Variants in DCC observed in about 807,000 individuals in gnomAD.
The protein encoded by DCC is DCC netrin 1 receptor, also known as netrin receptor DCC.
A neutral mutation model predicts 172.5 loss-of-function variants in DCC; 58 were observed. The observed-to-expected ratio is 0.34, with a 90% CI of 0.27 to 0.42. The LOEUF (loss-of-function observed/expected upper bound fraction) is 0.42, where lower values mean the gene tolerates loss of function less well. Among genes scored for constraint, DCC ranks in the 10% least tolerant of loss-of-function variants. The pLI, the probability that DCC is intolerant of heterozygous loss-of-function variation, is 1.00. For synonymous variants in DCC, 709 were observed against 644.5 expected (o/e 1.10, Z -1.52); for missense variants, 1,740 against 1,791.0 (o/e 0.97, Z 0.51).
intron 3 of DCC, among the ~76,000 whole-genome samples, chr18:52,907,769 C>G (rs184874723): frequency 6.6e-6 from 1 of 152,126 alleles, no homozygotes; most frequent in Non-Finnish European, 1.5e-5. Flanking sequence ...CTGAGAAGCA[C>G]TGTGCTAAGT....
At chr18:52,373,065 T>C (rs1349713987) in intron 1 of DCC, among the ~76,000 whole-genome samples, 2 of 152,160 alleles carry the variant, frequency 1.3e-5, no homozygotes, top group Admixed American at 6.5e-5. Flanking sequence ...CAGTGAAGGT[T>C]TGTTTTTCAG....
chr18:52,777,353 C>A (rs1353286819), intron 2 of DCC, among the ~76,000 whole-genome samples: 5 of 152,160 alleles, frequency 3.3e-5, no homozygotes, highest in Non-Finnish European at 7.3e-5. Flanking sequence ...CTTCTGTTGG[C>A]CCCATAAGTT....
intron 2 of DCC, among the ~76,000 whole-genome samples, chr18:52,823,984 A>G (rs7231652): frequency 0.26 from 38,795 of 152,094 alleles, 5,082 homozygotes; most frequent in South Asian, 0.3. Context: ...GATGCAAAAC[A>G]GAATAAGGAA....
intron 1 of DCC, among the ~76,000 whole-genome samples, chr18:52,658,062 A>G (rs188298191): frequency 6.6e-6 from 1 of 152,302 alleles, no homozygotes; most frequent in Non-Finnish European, 1.5e-5. Flanking sequence ...TTGTTTTATA[A>G]GGAGGAGTGC....
intron 12 of DCC, among the ~76,000 whole-genome samples, chr18:53,293,589 C>T (rs553773595): frequency 1.1e-4 from 16 of 152,198 alleles, no homozygotes; most frequent in African/African-American, 3.1e-4. Context: ...GCCTAGTACT[C>T]AATAGTTAAT....
intron 1 of DCC, among the ~76,000 whole-genome samples, chr18:52,368,663 G>C (rs552303426): frequency 6.6e-6 from 1 of 152,270 alleles, no homozygotes; most frequent in Non-Finnish European, 1.5e-5. Context: ...GGGTTCTTAA[G>C]AATTAGACTA....
At chr18:53,121,631 C>A (rs1328258577) in intron 7 of DCC, among the ~76,000 whole-genome samples, 2 of 151,890 alleles carry the variant, frequency 1.3e-5, no homozygotes, top group African/African-American at 4.8e-5. Context: ...AAAGTCAAAA[C>A]TCTCCTTTGT....
At chr18:52,438,903 C>G (rs1042149888) in intron 1 of DCC, among the ~76,000 whole-genome samples, 1 of 152,050 alleles carries the variant, frequency 6.6e-6, no homozygotes, top group Non-Finnish European at 1.5e-5. Flanking sequence ...TTGAAGGGAC[C>G]AGCAATTTCC....
intron 2 of DCC, among the ~76,000 whole-genome samples, chr18:52,874,642 C>A: frequency 6.6e-6 from 1 of 152,038 alleles, no homozygotes. Flanking sequence ...TTTTTATCAA[C>A]AATGGTGTGT....
At chr18:52,517,509 T>C (rs1461477259) in intron 1 of DCC, among the ~76,000 whole-genome samples, 5 of 152,214 alleles carry the variant, frequency 3.3e-5, no homozygotes, top group Admixed American at 1.3e-4. Flanking sequence ...GTCCTAGAAA[T>C]GAAGACATCA....
At chr18:52,930,133 T>A (rs1231701574) in intron 5 of DCC, among the ~76,000 whole-genome samples, 1 of 152,114 alleles carries the variant, frequency 6.6e-6, no homozygotes, top group Non-Finnish European at 1.5e-5. Context: ...CTTTTCTTTT[T>A]TTCTTCTTTT....
At chr18:53,128,886 TA>T (rs2043610257) in intron 7 of DCC, among the ~76,000 whole-genome samples, 1 of 121,036 alleles carries the variant, frequency 8.3e-6, no homozygotes, top group African/African-American at 3.8e-5. Context: ...TATATATATA[TA>T]TATATATATA....
rs1325088259 is a variant in DCC, at chr18:52,906,216, A to G, written c.585A>G (p.Gly195=). ...CCCGAGTGGTGGTCTTGCCCTCTGG[A>G]GCATTGCAGATCAGCCGACTCCAAC... ...GDSRVVVLPS[G]ALQISRLQPG... is the part of the protein sequence containing the mutation. Residue 195 remains glycine, a synonymous_variant, in exon 3 of 29, where the codon GGA becomes GGG. Coordinates refer to ENST00000442544, the MANE Select transcript of DCC (RefSeq NM_005215.4). 2 of 1,613,922 alleles carry G rather than the reference A, an allele frequency of 1.2e-6. No homozygotes were observed. Among genetic ancestry groups the G allele is most frequent in the Admixed American group, 1.7e-5 (1 of 59,984 alleles).
In DCC at chr18:53,239,275, G is replaced by T. The variant is rs1198542172; in HGVS notation, c.1911+23678G>T. Among the ~76,000 whole-genome samples the T allele has an allele frequency of 2.0e-5, 3 of 148,200 alleles. No homozygotes were observed. The East Asian group carries it at 5.9e-4, about 29-fold the overall frequency. ...GTCCATTACTGTTCTCCATTTTATA[G>T]TTACAGAAACTGGAGGGAAGAAAAA... On this transcript the variant is annotated intron_variant, in intron 12 of 28. Transcript: ENST00000442544.
At chr18:52,814,100 T>G (rs1487743205) in intron 2 of DCC, among the ~76,000 whole-genome samples, 1 of 152,198 alleles carries the variant, frequency 6.6e-6, no homozygotes, top group Non-Finnish European at 1.5e-5. Context: ...CTAATACACA[T>G]AGGTGTACCC....
At chr18:53,389,095 T>A (rs1233297718) in intron 16 of DCC, among the ~76,000 whole-genome samples, 1 of 152,220 alleles carries the variant, frequency 6.6e-6, no homozygotes, top group African/African-American at 2.4e-5. Flanking sequence ...AAGTTCATTT[T>A]GAATGTTAGT....
chr18:52,345,805 C>T lies in DCC; in HGVS notation c.91+4927C>T, dbSNP rs1983852919. Reference sequence around the variant, plus strand: ...GCTTTTGGTGGAGAGTTAAACTGTACTCTAAAAGCAGCTAAATAGTGTTGT... The same window carrying T: ...GCTTTTGGTGGAGAGTTAAACTGTATTCTAAAAGCAGCTAAATAGTGTTGT... On this transcript the variant is annotated intron_variant, in intron 1 of 28. Coordinates refer to ENST00000442544, the MANE Select transcript of DCC (RefSeq NM_005215.4). Among the ~76,000 whole-genome samples the T allele has an allele frequency of 2.0e-5, 3 of 150,272 alleles. No individual in the cohort carries two copies. The Admixed American group carries it at 2.0e-4, about 10-fold the overall frequency.
At chr18:53,171,618 T>C (rs1407472631) in intron 8 of DCC, among the ~76,000 whole-genome samples, 2 of 152,218 alleles carry the variant, frequency 1.3e-5, no homozygotes, top group Non-Finnish European at 2.9e-5. Flanking sequence ...CTCTTGTATA[T>C]GTAAGTGATA....
At chr18:52,364,205 C>A (rs906219721) in intron 1 of DCC, among the ~76,000 whole-genome samples, 2 of 152,086 alleles carry the variant, frequency 1.3e-5, no homozygotes, top group Non-Finnish European at 2.9e-5. Context: ...TCTTTATGGC[C>A]TGAGAAATGT....
Sources: allele counts gnomAD v4.1 joint callset (sites outside exome capture counted in the v4.1 genomes callset), GRCh38; gene constraint gnomAD v4.1.1; transcripts MANE v1.5; gene names NCBI Gene and HGNC (gene_info 2026-07-23, HGNC 2026-07-21).